The following INSL6 variants were observed in gnomAD, a reference collection of about 807,000 sequenced individuals.
INSL6 encodes the protein insulin like 6.
Under a neutral mutation model 9.4 loss-of-function variants are expected in INSL6, and 16 were observed. The ratio of observed to expected loss-of-function variants is 1.70; its 90% CI spans 1.15 to 2.59. INSL6 has a LOEUF of 2.59. Among genes scored for constraint, INSL6 ranks in the 30% most tolerant of loss-of-function variants. The pLI is 0.00. For missense variants in INSL6, 391 were observed against 257.3 expected, an observed-to-expected ratio of 1.52 and a Z score of -3.56; for synonymous variants, 154 against 96.9, an observed-to-expected ratio of 1.59 and a Z score of -3.46.
the INSL6 span, among the ~76,000 whole-genome samples, chr9:5,042,189 C>A: frequency 6.9e-6 from 1 of 144,510 alleles, no homozygotes; most frequent in Non-Finnish European, 1.5e-5. Flanking sequence ...GGACTGCGGA[C>A]TGCAGTGGCG....
intron 1 of INSL6, among the ~76,000 whole-genome samples, chr9:5,167,113 AG>A (rs1051127452): frequency 1.8e-4 from 28 of 152,160 alleles, no homozygotes; most frequent in Non-Finnish European, 2.8e-4. Context: ...AGCAAGGAAA[AG>A]CACAGTGGAG....
chr9:5,086,702 C>T, the INSL6 span, among the ~76,000 whole-genome samples: 3 of 152,298 alleles, frequency 2.0e-5, no homozygotes, highest in Admixed American at 1.3e-4. Context: ...ATTTCCTACC[C>T]TGAAATCTCC....
chr9:5,137,969 AC>A (rs1824418712), intron 2 of INSL6, among the ~76,000 whole-genome samples: 4 of 133,988 alleles, frequency 3.0e-5, no homozygotes, highest in Admixed American at 2.2e-4. Flanking sequence ...TGGCCAAAAA[AC>A]ATATGAAACA....
At chr9:5,057,376 CTT>C in the INSL6 span, among the ~76,000 whole-genome samples, 3 of 151,836 alleles carry the variant, frequency 2.0e-5, no homozygotes, top group African/African-American at 7.3e-5. Flanking sequence ...ATTTATTTCT[CTT>C]TATAATTTTG....
the INSL6 span, among the ~76,000 whole-genome samples, chr9:5,022,898 G>A: frequency 1.3e-5 from 2 of 152,058 alleles, no homozygotes; most frequent in Non-Finnish European, 2.9e-5. Context: ...ATTTGTAGAG[G>A]CAAATTAAAT....
the INSL6 span, among the ~76,000 whole-genome samples, chr9:5,071,806 A>C: frequency 2.0e-5 from 3 of 152,332 alleles, no homozygotes; most frequent in African/African-American, 4.8e-5. Context: ...TAACATTACA[A>C]ATCTAATAAA....
chr9:5,172,372 G>A (rs966714346), intron 1 of INSL6, among the ~76,000 whole-genome samples: 2 of 152,118 alleles, frequency 1.3e-5, no homozygotes. Flanking sequence ...AGAAGATCTA[G>A]GCAATGCTAT....
chr9:5,033,642 G>A, the INSL6 span, among the ~76,000 whole-genome samples: 3 of 152,172 alleles, frequency 2.0e-5, no homozygotes, highest in African/African-American at 4.8e-5. Flanking sequence ...GCCAAACTAA[G>A]CTTCATATGT....
the INSL6 span, chr9:5,111,362 CT>C: frequency 2.5e-6 from 1 of 407,202 alleles, no homozygotes; most frequent in South Asian, 2.0e-5. Flanking sequence ...GGTACTACCC[CT>C]CCTACGCCAG....
chr9:5,084,346 C>T, the INSL6 span, among the ~76,000 whole-genome samples: 2 of 152,182 alleles, frequency 1.3e-5, no homozygotes, highest in South Asian at 2.1e-4. Context: ...GATATTTGTA[C>T]TGCCTTACTG....
At chr9:5,126,332 G>A in intron 3 of INSL6, 1 of 1,589,256 alleles carries the variant, frequency 6.3e-7, no homozygotes, top group Non-Finnish European at 8.6e-7. Context: ...GTTTGTTTTA[G>A]GAATTTATGC....
chr9:5,039,333 A>C, the INSL6 span, among the ~76,000 whole-genome samples: 1 of 152,162 alleles, frequency 6.6e-6, no homozygotes, highest in Admixed American at 6.5e-5. Flanking sequence ...TTTTCTTGTC[A>C]TTACTCCCTA....
the INSL6 span, chr9:5,109,728 C>T: frequency 6.6e-6 from 1 of 152,176 alleles, no homozygotes; most frequent in Non-Finnish European, 1.5e-5. Context: ...AAGCTTTAGA[C>T]TACTTCTCCA....
intron 1 of INSL6, among the ~76,000 whole-genome samples, chr9:5,177,198 C>A (rs976754429): frequency 6.6e-6 from 1 of 152,194 alleles, no homozygotes; most frequent in East Asian, 1.9e-4. Context: ...CACATTGGGA[C>A]TGACTAGGCA....
At chr9:5,175,062 C>A (rs975052497) in intron 1 of INSL6, among the ~76,000 whole-genome samples, 3 of 152,000 alleles carry the variant, frequency 2.0e-5, no homozygotes, top group African/African-American at 7.2e-5. Context: ...GCCTCAGTCT[C>A]CCGAGTAGCT....
At chr9:5,104,559 A>C in the INSL6 span, among the ~76,000 whole-genome samples, 4 of 152,218 alleles carry the variant, frequency 2.6e-5, no homozygotes, top group Non-Finnish European at 5.9e-5. Context: ...AACTCATTTT[A>C]TGAGGCCAGC....
In INSL6 at chr9:5,185,406, G is replaced by A; in HGVS notation, c.197C>T (p.Ala66Val). The A allele has an allele frequency of 6.2e-7, 1 of 1,614,172 alleles. No individual in the cohort carries two copies. The highest frequency in any genetic ancestry group is 1.3e-5 in the African/African-American group (1 of 75,050). ...EEETPFSRLI[A>V]QASEKVEAYS... ...GGCTTCGACCTTCTCCGAGGCCTGT[G>A]CAATCAACCGTGAGAAAGGGGTTTC... The change falls in exon 1 of 2, where the codon GCA (alanine) becomes GTA (valine). Residue 66 changes from alanine (A) to valine (V), a missense_variant. Coordinates refer to ENST00000381641, the MANE Select transcript of INSL6 (RefSeq NM_007179.3).
At chr9:5,091,168 AT>A in the INSL6 span, 2 of 285,128 alleles carry the variant, frequency 7.0e-6, no homozygotes, top group African/African-American at 4.5e-5. Context: ...ACTGTCTCCT[AT>A]TTATTGAGGC....
intron 2 of INSL6, among the ~76,000 whole-genome samples, chr9:5,145,088 T>C (rs1173010173): frequency 6.6e-6 from 1 of 152,218 alleles, no homozygotes; most frequent in Non-Finnish European, 1.5e-5. Context: ...TGTGTTTTTG[T>C]AGTGGTTGGT....
Sources: gnomAD v4.1 joint callset for allele counts (sites outside exome capture counted in the v4.1 genomes callset) on GRCh38, gnomAD v4.1.1 for gene constraint, MANE v1.5 for transcripts, NCBI Gene and HGNC (gene_info 2026-07-23, HGNC 2026-07-21) for gene names.